Variants in DYNC1LI1 observed in about 807,000 individuals in gnomAD.
The protein encoded by DYNC1LI1 is cytoplasmic dynein 1 light intermediate chain 1.
A neutral mutation model predicts 63.8 loss-of-function variants in DYNC1LI1; 19 were observed. The observed-to-expected ratio is 0.30, with a 90% CI of 0.21 to 0.44. The LOEUF (loss-of-function observed/expected upper bound fraction) is 0.44. DYNC1LI1 is among the 20% of genes least tolerant of loss of function. The pLI, the probability that DYNC1LI1 is intolerant of heterozygous loss-of-function variation, is 1.00. For synonymous variants in DYNC1LI1, 225 were observed against 232.3 expected (o/e 0.97, Z 0.28); for missense variants, 565 against 630.2 (o/e 0.90, Z 1.11).
intron 2 of DYNC1LI1, among the ~76,000 whole-genome samples, chr3:32,547,232 G>C (rs1027280905): frequency 3.3e-5 from 5 of 151,824 alleles, no homozygotes; most frequent in African/African-American, 9.7e-5. Flanking sequence ...AACAGAGTGA[G>C]GCTCTGTCTC....
chr3:32,537,927 A>AATATATATATAATT (rs1559436136), intron 5 of DYNC1LI1, among the ~76,000 whole-genome samples: 3 of 33,262 alleles, frequency 9.0e-5, no homozygotes, highest in African/African-American at 3.2e-4. Context: ...TATATATATA[A>AATATATATATAATT]TATATATATA....
At chr3:32,549,538 T>G (rs2125439954) in intron 2 of DYNC1LI1, among the ~76,000 whole-genome samples, 1 of 152,260 alleles carries the variant, frequency 6.6e-6, no homozygotes, top group Non-Finnish European at 1.5e-5. Flanking sequence ...TGTTTTGCAC[T>G]GTAAGTAAAA....
chr3:32,526,840 G>A lies in DYNC1LI1; in HGVS notation c.1531C>T (p.Pro511Ser). 1 of 1,614,006 alleles carries A rather than the reference G, an allele frequency of 6.2e-7. No homozygotes were observed. Among genetic ancestry groups the A allele is most frequent in the Non-Finnish European group, 8.5e-7 (1 of 1,179,928 alleles). The change falls in exon 13 of 13, where the codon CCC becomes TCC. Residue 511 changes from proline to serine, a missense_variant. By Grantham distance (74) the Pro-to-Ser change is moderately conservative. Coordinates refer to ENST00000273130, the MANE Select transcript of DYNC1LI1 (RefSeq NM_016141.4). Reference protein sequence around the residue: ...RITRKPVTVSPTTPTSPTEGE... With the variant: ...RITRKPVTVSSTTPTSPTEGE... ...TCCGTAGGAGATGTAGGTGTTGTGG[G>A]AGAAACTGTAACTGGTTTTCGTGTA...
intron 3 of DYNC1LI1, 140 bp from the exon 4 acceptor site, chr3:32,545,246 T>C: frequency 1.6e-6 from 1 of 642,912 alleles, no homozygotes; most frequent in South Asian, 2.0e-5. Flanking sequence ...ATTTAGGCCA[T>C]CTACCAATTT....
intron 4 of DYNC1LI1, among the ~76,000 whole-genome samples, chr3:32,541,845 C>G (rs945943108): frequency 2.0e-5 from 3 of 152,196 alleles, no homozygotes; most frequent in Non-Finnish European, 2.9e-5. Context: ...CCTAGGAATT[C>G]TCAAGGGCAC....
Position 32,545,835 on chromosome 3 carries a change from C to T in DYNC1LI1, c.337+14G>A. On this transcript the variant is annotated intron_variant, in intron 3 of 12. Coordinates refer to ENST00000273130, the MANE Select transcript of DYNC1LI1 (RefSeq NM_016141.4). ...AAATAGACTTCAGAAATTTATGTTA[C>T]AAATGACACTCACCATCCCTGTCTT... 6.5e-7 allele frequency: 1 copy of T among 1,550,072 alleles called. No individual in the cohort carries two copies. The highest frequency in any genetic ancestry group is 8.9e-7 in the Non-Finnish European group (1 of 1,123,114).
intron 7 of DYNC1LI1, 138 bp from the exon 8 acceptor site, chr3:32,533,235 T>C: frequency 2.3e-6 from 3 of 1,321,710 alleles, no homozygotes; most frequent in South Asian, 1.8e-5. Context: ...TTCATTATGA[T>C]GTCCACGTTT....
Position 32,530,518 on chromosome 3 carries a change from A to G in DYNC1LI1, c.1083T>C (p.Phe361=), listed in dbSNP as rs765696176. The G allele has an allele frequency of 1.4e-5, 23 of 1,612,544 alleles. No individual in the cohort carries two copies. The South Asian group carries it at 2.2e-4, about 15-fold the overall frequency. ...CTGCCATAATTTCCTTCTCATGTACAAACTGAAATGAGCAATGCACAAATG... is the reference window on the plus strand; with the variant it reads ...CTGCCATAATTTCCTTCTCATGTACGAACTGAAATGAGCAATGCACAAATG... ...DIITKPPVRK[F]VHEKEIMAED... Residue 361 remains phenylalanine (F), a splice_region_variant and synonymous_variant, in exon 9 of 13, where the codon TTT becomes TTC. Coordinates refer to ENST00000273130, the MANE Select transcript of DYNC1LI1 (RefSeq NM_016141.4).
At chr3:32,564,440 A>G (rs1487477322) in intron 2 of DYNC1LI1, among the ~76,000 whole-genome samples, 4 of 152,226 alleles carry the variant, frequency 2.6e-5, no homozygotes, top group African/African-American at 9.6e-5. Flanking sequence ...GCCTGTACCC[A>G]TTCATTTACA....
chr3:32,536,913 C>T, intron 6 of DYNC1LI1, 98 bp downstream of exon 6: 1 of 634,122 alleles, frequency 1.6e-6, no homozygotes. Flanking sequence ...GAAATGTTTA[C>T]AGAATTTCTC....
intron 2 of DYNC1LI1, among the ~76,000 whole-genome samples, chr3:32,552,505 C>CT (rs1472642065): frequency 2.6e-5 from 4 of 151,930 alleles, no homozygotes; most frequent in Admixed American, 2.0e-4. Flanking sequence ...TCCCAACATT[C>CT]TTTATTTTTT....
chr3:32,570,122 G>A (rs1340918192), intron 2 of DYNC1LI1: 4 of 679,862 alleles, frequency 5.9e-6, no homozygotes, highest in African/African-American at 5.3e-5. Context: ...CCCATATACC[G>A]GGGAGGAGGA....
At chr3:32,541,792 T>C (rs1697885199) in intron 4 of DYNC1LI1, among the ~76,000 whole-genome samples, 1 of 152,198 alleles carries the variant, frequency 6.6e-6, no homozygotes, top group South Asian at 2.1e-4. Flanking sequence ...TGTGAATGTA[T>C]CAAGAGACTT....
chr3:32,533,855 C>T (rs1461596545), intron 7 of DYNC1LI1, among the ~76,000 whole-genome samples: 1 of 151,294 alleles, frequency 6.6e-6, no homozygotes, highest in East Asian at 1.9e-4. Flanking sequence ...AGCCACTGCA[C>T]CTGGACTATT....
rs1372951703 is a variant in DYNC1LI1, at chr3:32,570,409, G to A, written c.157C>T (p.Leu53Phe). The stretch of plus-strand genomic sequence containing the variant: ...CGCGAGCGGGTGGAGACCTCGCTGA[G>A]GATGCAGGACCTAACGGGAAGCAAG... ...EDGQNLWSCI[L>F]SEVSTRSRSK... Residue 53 changes from leucine (L) to phenylalanine (F), a missense_variant, in exon 2 of 13, where the codon CTC becomes TTC. Coordinates refer to ENST00000273130, the MANE Select transcript of DYNC1LI1 (RefSeq NM_016141.4). 1 of 1,603,814 alleles carries A rather than the reference G, an allele frequency of 6.2e-7. No homozygotes were observed. The highest frequency in any genetic ancestry group is 8.5e-7 in the Non-Finnish European group (1 of 1,176,432).
intron 2 of DYNC1LI1, among the ~76,000 whole-genome samples, chr3:32,546,422 A>AT (rs1435505577): frequency 1.3e-5 from 2 of 152,018 alleles, no homozygotes; most frequent in Non-Finnish European, 2.9e-5. Context: ...AAAAAAAAAG[A>AT]TAAAAAAGAT....
intron 2 of DYNC1LI1, among the ~76,000 whole-genome samples, chr3:32,569,657 C>T (rs1292846830): frequency 2.0e-5 from 3 of 152,136 alleles, no homozygotes; most frequent in African/African-American, 7.2e-5. Flanking sequence ...TCTATCCCCA[C>T]CCCCAGAGTC....
chr3:32,530,808 T>C (rs1034532493), intron 8 of DYNC1LI1: 5 of 313,838 alleles, frequency 1.6e-5, no homozygotes, highest in African/African-American at 1.1e-4. Context: ...ACTAAGGAAA[T>C]GATTTTTAAT....
chr3:32,570,056 T>TC, intron 2 of DYNC1LI1: 1 of 540,870 alleles, frequency 1.8e-6, no homozygotes, highest in Non-Finnish European at 3.3e-6. Flanking sequence ...GCCACGAGAA[T>TC]CCCTCAGATG....
Sources: gnomAD v4.1 joint callset for allele counts (sites outside exome capture counted in the v4.1 genomes callset) on GRCh38, gnomAD v4.1.1 for gene constraint, MANE v1.5 for transcripts, NCBI Gene and HGNC (gene_info 2026-07-23, HGNC 2026-07-21) for gene names.